The following STARD10 variants were observed in gnomAD, a reference collection of about 807,000 sequenced individuals.
STARD10 encodes StAR related lipid transfer domain containing 10.
A neutral mutation model predicts 36.0 loss-of-function variants in STARD10; 24 were observed. That is an observed-to-expected ratio of 0.67 (90% confidence interval 0.48 to 0.94). The LOEUF (loss-of-function observed/expected upper bound fraction) is 0.94. STARD10 is among the 40% of genes least tolerant of loss of function. The probability of loss-of-function intolerance (pLI) is 0.00; values close to 1 mark genes in which losing one functional copy is unlikely to be tolerated. For missense variants in STARD10, 335 were observed against 396.6 expected (o/e 0.84, Z 1.32); for synonymous variants, 156 against 161.9 (o/e 0.96, Z 0.28).
At chr11:72,778,627 G>T (rs1192240073) in intron 2 of STARD10, among the ~76,000 whole-genome samples, 1 of 152,186 alleles carries the variant, frequency 6.6e-6, no homozygotes, top group Non-Finnish European at 1.5e-5. Context: ...ATTGTAGGGA[G>T]CAAAGCTGGG....
chr11:72,788,368 A>T (rs762754725), intron 1 of STARD10, among the ~76,000 whole-genome samples: 5 of 151,762 alleles, frequency 3.3e-5, no homozygotes, highest in Admixed American at 6.6e-5. Context: ...CAACCTACAG[A>T]CCTCTGTCAC....
At chr11:72,774,277 A>C (rs1858902487) in intron 2 of STARD10, among the ~76,000 whole-genome samples, 2 of 152,218 alleles carry the variant, frequency 1.3e-5, no homozygotes, top group Non-Finnish European at 2.9e-5. Context: ...TGACCCCAGG[A>C]CATAGGATTC....
chr11:72,760,820 T>TC (rs1858705773), intron 2 of STARD10, among the ~76,000 whole-genome samples: 1 of 102,262 alleles, frequency 9.8e-6, no homozygotes, highest in African/African-American at 3.6e-5. Context: ...TGTTCTGTGA[T>TC]TTTTTTTTTT....
At chr11:72,786,792 G>A (rs902319843) in intron 1 of STARD10, among the ~76,000 whole-genome samples, 4 of 152,172 alleles carry the variant, frequency 2.6e-5, no homozygotes, top group Admixed American at 6.5e-5. Flanking sequence ...CGACAGCCAG[G>A]TGCAGTGGCT....
intron 2 of STARD10, among the ~76,000 whole-genome samples, chr11:72,777,201 C>T (rs1393572670): frequency 6.6e-6 from 1 of 152,292 alleles, no homozygotes; most frequent in Non-Finnish European, 1.5e-5. Context: ...GTCTCCCCTG[C>T]CTCTCATGCG....
At chr11:72,779,040 G>T (rs1046584189) in intron 2 of STARD10, among the ~76,000 whole-genome samples, 7 of 152,160 alleles carry the variant, frequency 4.6e-5, no homozygotes, top group Non-Finnish European at 8.8e-5. Flanking sequence ...GCTGGGTAGG[G>T]TTTATTCATT....
chr11:72,772,434 C>T (rs1157847860), intron 2 of STARD10, among the ~76,000 whole-genome samples: 2 of 152,204 alleles, frequency 1.3e-5, no homozygotes, highest in African/African-American at 4.8e-5. Flanking sequence ...TGGACTTGTC[C>T]CTTATGCTCT....
chr11:72,786,295 T>C (rs184779910), intron 1 of STARD10, among the ~76,000 whole-genome samples: 6 of 151,688 alleles, frequency 4.0e-5, no homozygotes, highest in Admixed American at 3.9e-4. Context: ...AAGGCTGCAG[T>C]GAGCTGAGAT....
At chr11:72,769,536 G>T (rs1858831758) in intron 2 of STARD10, among the ~76,000 whole-genome samples, 2 of 152,076 alleles carry the variant, frequency 1.3e-5, no homozygotes, top group African/African-American at 2.4e-5. Context: ...TAGAGATGGG[G>T]TTTTGTCATG....
In STARD10 at chr11:72,757,776, C is replaced by T; in HGVS notation, c.568G>A (p.Asp190Asn). The T allele has an allele frequency of 1.2e-6, 2 of 1,614,028 alleles. No homozygotes were observed. Among genetic ancestry groups the T allele is most frequent in the Non-Finnish European group, 1.7e-6 (2 of 1,179,976 alleles). The stretch of plus-strand genomic sequence containing the variant: ...AGGGCCAAGCCCTCACCTTTGGGGT[C>T]CACCTGGGCCAGGTAGGTGATGACG... ...SCVITYLAQV[D>N]PKGSLPKWVV... The change falls in exon 5 of 7, where the codon GAC becomes AAC. Residue 190 changes from aspartate to asparagine, a missense_variant. By Grantham distance (23) the Asp-to-Asn change is conservative. Transcript: ENST00000334805.
intron 2 of STARD10, among the ~76,000 whole-genome samples, chr11:72,773,113 A>G (rs1328252615): frequency 6.6e-6 from 1 of 152,244 alleles, no homozygotes; most frequent in East Asian, 1.9e-4. Flanking sequence ...CAGGAACAAC[A>G]TGACCAGTAT....
intron 1 of STARD10, among the ~76,000 whole-genome samples, chr11:72,787,847 G>A (rs1859093808): frequency 6.6e-6 from 1 of 152,202 alleles, no homozygotes; most frequent in African/African-American, 2.4e-5. Flanking sequence ...CTTCTTTTCT[G>A]GCAACCCACA....
rs775729949 is a variant in STARD10 at position 72,759,336 on chromosome 11, C to T, written c.253G>A (p.Val85Ile). 5.0e-6 allele frequency: 8 copies of T among 1,613,834 alleles called. No individual in the cohort carries two copies. The highest frequency in any genetic ancestry group is 2.7e-5 in the African/African-American group (2 of 74,890). Residue 85 changes from valine (V) to isoleucine (I), a missense_variant, in exon 3 of 7, where the codon GTC (valine) becomes ATC (isoleucine). By Grantham distance (29) the Val-to-Ile change is conservative. Coordinates refer to ENST00000334805, the MANE Select transcript of STARD10 (RefSeq NM_006645.3). ...CDVPAETLYDVLHDIEYRKKW... is the reference protein window; with the variant it reads ...CDVPAETLYDILHDIEYRKKW... ...TTGCGGTACTCAATGTCGTGTAGGA[C>T]GTCGTAGAGTGTCTCGGCTGGCACA...
At chr11:72,787,723 G>A (rs1859092028) in intron 1 of STARD10, among the ~76,000 whole-genome samples, 1 of 152,220 alleles carries the variant, frequency 6.6e-6, no homozygotes, top group Non-Finnish European at 1.5e-5. Context: ...CTTCAGCTCT[G>A]TGCTCAGGCT....
chr11:72,784,555 G>T (rs1463098867), intron 1 of STARD10, among the ~76,000 whole-genome samples: 1 of 152,174 alleles, frequency 6.6e-6, no homozygotes, highest in Non-Finnish European at 1.5e-5. Context: ...CCAACAAAAA[G>T]TGTTAAGGTA....
intron 1 of STARD10, among the ~76,000 whole-genome samples, chr11:72,788,000 T>C (rs1037422938): frequency 6.6e-6 from 1 of 151,736 alleles, no homozygotes; most frequent in Non-Finnish European, 1.5e-5. Context: ...TAGGAGAGGT[T>C]TGGGGGGGGC....
intron 2 of STARD10, among the ~76,000 whole-genome samples, chr11:72,769,277 G>C (rs911954230): frequency 3.3e-5 from 5 of 150,936 alleles, no homozygotes; most frequent in African/African-American, 9.9e-5. Flanking sequence ...CTGCTTATGA[G>C]GTACTCACTG....
At chr11:72,780,837 C>T in intron 2 of STARD10, 138 bp downstream of exon 2, 1 of 905,276 alleles carries the variant, frequency 1.1e-6, no homozygotes, top group Non-Finnish European at 1.7e-6. Flanking sequence ...GACTGTGTCT[C>T]CTCCCGGTCC....
At chr11:72,761,009 G>A (rs754669609) in intron 2 of STARD10, among the ~76,000 whole-genome samples, 1 of 152,164 alleles carries the variant, frequency 6.6e-6, no homozygotes, top group African/African-American at 2.4e-5. Flanking sequence ...AGGTCACACT[G>A]TCTTCCCCCT....
Sources: allele counts gnomAD v4.1 joint callset (sites outside exome capture counted in the v4.1 genomes callset), GRCh38; gene constraint gnomAD v4.1.1; transcripts MANE v1.5; gene names NCBI Gene and HGNC (gene_info 2026-07-23, HGNC 2026-07-21).